The following KLF7 variants were observed in gnomAD, a reference collection of about 807,000 sequenced individuals.
The protein encoded by KLF7 is KLF transcription factor 7.
KLF7 carries 2 observed loss-of-function variants against 27.3 expected under a neutral mutation model. The ratio of observed to expected loss-of-function variants is 0.07; its 90% CI spans 0.03 to 0.23. KLF7 has a LOEUF of 0.23. Among genes scored for constraint, KLF7 ranks in the 10% least tolerant of loss-of-function variants. The probability of loss-of-function intolerance (pLI) is 1.00; values close to 1 mark genes in which losing one functional copy is unlikely to be tolerated. For missense variants in KLF7, 221 were observed against 394.1 expected (o/e 0.56, Z 3.72); for synonymous variants, 165 against 162.4 (o/e 1.02, Z -0.12).
intron 2 of KLF7, among the ~76,000 whole-genome samples, chr2:207,120,550 C>T (rs950077874): frequency 6.6e-6 from 1 of 152,164 alleles, no homozygotes; most frequent in African/African-American, 2.4e-5. Flanking sequence ...ATTCTTATCT[C>T]CCTTTTTTTC....
At chr2:207,159,019 T>G (rs1236435730) in intron 1 of KLF7, among the ~76,000 whole-genome samples, 4 of 152,212 alleles carry the variant, frequency 2.6e-5, no homozygotes, top group Non-Finnish European at 5.9e-5. Context: ...AACCCAGTAT[T>G]TTAGAGTTGA....
In KLF7 at chr2:207,079,071, T is replaced by TTTTTG. The variant is rs1226560100; in HGVS notation, c.*2141_*2142insCAAAA. On this transcript the variant is annotated 3_prime_UTR_variant, in exon 4 of 4. Transcript: ENST00000309446. ...TTTCGTTTTGTATTATTTTGTTTTT[T>TTTTTG]TTTTTGTTTTTGTTTTTGTTTTTTT... The TTTTTG allele has an allele frequency of 6.6e-6, 1 of 151,802 alleles. No individual in the cohort carries two copies. Among genetic ancestry groups the TTTTTG allele is most frequent in the African/African-American group, 2.4e-5 (1 of 41,276 alleles). 9.4% of individuals were successfully genotyped at this position (151,802 alleles called of 1,614,324 possible).
chr2:207,077,334 A>G lies in KLF7; in HGVS notation c.*3879T>C, dbSNP rs1181786307. Reference sequence around the variant, plus strand: ...TAATCTGGAAAGCTTATCCCAAACAAAAGTCCTTATAAAATCTTCTCTGAA... The same window carrying G: ...TAATCTGGAAAGCTTATCCCAAACAGAAGTCCTTATAAAATCTTCTCTGAA... On this transcript the variant is annotated 3_prime_UTR_variant, in exon 4 of 4. Transcript: ENST00000309446. 1 of 152,166 alleles carries G rather than the reference A, an allele frequency of 6.6e-6. No homozygotes were observed. The highest frequency in any genetic ancestry group is 6.5e-5 in the Admixed American group (1 of 15,268). The allele number at this position is 152,166 out of a possible 1,614,324, so 9.4% of individuals were successfully genotyped here.
At chr2:207,125,296 G>A (rs2077449955) in intron 1 of KLF7, among the ~76,000 whole-genome samples, 1 of 152,180 alleles carries the variant, frequency 6.6e-6, no homozygotes, top group African/African-American at 2.4e-5. Flanking sequence ...TAAGATGGGG[G>A]AGTGCTTTTA....
chr2:207,147,251 A>C (rs2078121174), intron 1 of KLF7, among the ~76,000 whole-genome samples: 1 of 152,148 alleles, frequency 6.6e-6, no homozygotes, highest in African/African-American at 2.4e-5. Context: ...AATTTCAAAA[A>C]ACAGAAACAC....
chr2:207,076,201 T>C lies in KLF7; in HGVS notation c.*5012A>G, dbSNP rs1029418354. ...TTATGCTGACGTGGGGTCCATCTTATGGCAGTAGACAGAAGCTGGACTCAC... is the reference window on the plus strand; with the variant it reads ...TTATGCTGACGTGGGGTCCATCTTACGGCAGTAGACAGAAGCTGGACTCAC... On this transcript the variant is annotated 3_prime_UTR_variant, in exon 4 of 4. Transcript: ENST00000309446. The C allele has an allele frequency of 2.0e-5, 3 of 152,142 alleles. No individual in the cohort carries two copies. The highest frequency in any genetic ancestry group is 6.5e-5 in the Admixed American group (1 of 15,274). 9.4% of individuals were successfully genotyped at this position (152,142 alleles called of 1,614,324 possible).
chr2:207,124,821 A>C (rs7589607), intron 1 of KLF7, among the ~76,000 whole-genome samples: 88,079 of 152,010 alleles, frequency 0.58, 26,534 homozygotes, highest in Admixed American at 0.67. Flanking sequence ...GTCCAACTTC[A>C]TTATTCAAAA....
At chr2:207,157,603 A>G (rs2078426074) in intron 1 of KLF7, among the ~76,000 whole-genome samples, 2 of 152,178 alleles carry the variant, frequency 1.3e-5, no homozygotes. Context: ...TATAAGAGGG[A>G]GCCATGAACA....
chr2:207,151,076 C>T (rs573049694), intron 1 of KLF7, among the ~76,000 whole-genome samples: 25 of 149,228 alleles, frequency 1.7e-4, no homozygotes, highest in African/African-American at 5.2e-4. Flanking sequence ...TTTACCAAGC[C>T]TTAGAGAGGC....
intron 1 of KLF7, among the ~76,000 whole-genome samples, chr2:207,143,641 G>A (rs1392376446): frequency 6.6e-6 from 1 of 152,186 alleles, no homozygotes; most frequent in African/African-American, 2.4e-5. Context: ...GGCTCGTGGA[G>A]GCTCTCTCAA....
intron 2 of KLF7, among the ~76,000 whole-genome samples, chr2:207,091,747 C>T (rs77623566): frequency 0.075 from 11,430 of 152,140 alleles, 478 homozygotes; most frequent in African/African-American, 0.1. Context: ...GTTCTATACC[C>T]ACCTCTATAA....
At chr2:207,172,698 C>T in the KLF7 span, among the ~76,000 whole-genome samples, 2 of 152,136 alleles carry the variant, frequency 1.3e-5, no homozygotes, top group Non-Finnish European at 2.9e-5. Context: ...TCAAAGTATT[C>T]TCTTCTGAAT....
chr2:207,085,955 T>G (rs1219439772), intron 3 of KLF7, among the ~76,000 whole-genome samples: 1 of 149,440 alleles, frequency 6.7e-6, no homozygotes, highest in Non-Finnish European at 1.5e-5. Context: ...CAAACTTTTT[T>G]GTGTGACATT....
chr2:207,136,544 T>G (rs764487), intron 1 of KLF7, among the ~76,000 whole-genome samples: 54,484 of 152,086 alleles, frequency 0.36, 10,735 homozygotes, highest in East Asian at 0.54. Flanking sequence ...AGCCCATTCA[T>G]TCTTCATCAT....
At chr2:207,087,061 G>A (rs895842898) in intron 3 of KLF7, among the ~76,000 whole-genome samples, 31 of 152,242 alleles carry the variant, frequency 2.0e-4, no homozygotes, top group African/African-American at 7.2e-4. Context: ...CTCTCCTGGA[G>A]CATACTCTGT....
chr2:207,144,767 T>C (rs1240465981), intron 1 of KLF7, among the ~76,000 whole-genome samples: 1 of 152,174 alleles, frequency 6.6e-6, no homozygotes, highest in African/African-American at 2.4e-5. Context: ...CCCAAATCCT[T>C]CCTCCAGTCA....
intron 1 of KLF7, among the ~76,000 whole-genome samples, chr2:207,143,101 A>G (rs983255280): frequency 1.3e-5 from 2 of 152,234 alleles, no homozygotes; most frequent in African/African-American, 4.8e-5. Context: ...AAACAACACA[A>G]CAACAAAAAC....
At chr2:207,157,700 G>A (rs560926788) in intron 1 of KLF7, among the ~76,000 whole-genome samples, 20 of 152,172 alleles carry the variant, frequency 1.3e-4, no homozygotes, top group Non-Finnish European at 2.4e-4. Context: ...ATGGCCAAGG[G>A]TGCCATCCAT....
At chr2:207,091,808 T>G (rs2105881337) in intron 2 of KLF7, among the ~76,000 whole-genome samples, 1 of 152,264 alleles carries the variant, frequency 6.6e-6, no homozygotes, top group East Asian at 1.9e-4. Context: ...GTCAGTATTT[T>G]CAGCATGGCC....
Sources: gnomAD v4.1 joint callset for allele counts (sites outside exome capture counted in the v4.1 genomes callset) on GRCh38, gnomAD v4.1.1 for gene constraint, MANE v1.5 for transcripts, NCBI Gene and HGNC (gene_info 2026-07-23, HGNC 2026-07-21) for gene names.